Variants in ELF1 observed in about 807,000 individuals in gnomAD.
ELF1 encodes ETS-related transcription factor Elf-1.
A neutral mutation model predicts 59.9 loss-of-function variants in ELF1; 24 were observed. The observed-to-expected ratio is 0.40, with a 90% confidence interval of 0.29 to 0.56. ELF1 has a LOEUF of 0.56. ELF1 is among the 20% of genes least tolerant of loss of function. ELF1 has a pLI of 0.44. For synonymous variants in ELF1, 248 were observed against 266.2 expected (o/e 0.93, Z 0.67); for missense variants, 627 against 742.2 (o/e 0.84, Z 1.80).
intron 7 of ELF1, 62 bp downstream of exon 7, chr13:40,942,889 AT>A (rs534518837): frequency 1.4e-3 from 1,883 of 1,363,138 alleles, no homozygotes; most frequent in South Asian, 3.5e-3. Flanking sequence ...TAAGCTTAGT[AT>A]TTTTTTTTAC....
At chr13:40,985,566 AT>A (rs1873508525) in intron 1 of ELF1, among the ~76,000 whole-genome samples, 1 of 152,180 alleles carries the variant, frequency 6.6e-6, no homozygotes, top group Admixed American at 6.5e-5. Flanking sequence ...TATGTAAAAA[AT>A]TTTTAAAATC....
At chr13:40,962,617 C>T (rs1197985316) in intron 2 of ELF1, among the ~76,000 whole-genome samples, 3 of 147,682 alleles carry the variant, frequency 2.0e-5, no homozygotes, top group Non-Finnish European at 4.5e-5. Context: ...ACCTGGGAGG[C>T]GGAGGTTGCA....
chr13:40,941,380 G>C lies in ELF1; in HGVS notation c.807-10C>G, dbSNP rs772332141. On this transcript the variant is annotated splice_polypyrimidine_tract_variant and intron_variant, in intron 7 of 8. Transcript: ENST00000239882. ...CCTTTGGTAATAGTACCTATTCAAA[G>C]CAGACAATTTCATCAATCAATCAAA... 6.5e-7 allele frequency: 1 copy of C among 1,547,844 alleles called. No individual in the cohort carries two copies. The highest frequency in any genetic ancestry group is 8.7e-7 in the Non-Finnish European group (1 of 1,150,182).
At chr13:41,060,509 C>T (rs1402336365) in intron 1 of ELF1, among the ~76,000 whole-genome samples, 2 of 152,148 alleles carry the variant, frequency 1.3e-5, no homozygotes, top group East Asian at 3.9e-4. Flanking sequence ...GCCCCGTGAG[C>T]CGGAGGCGGG....
At chr13:41,042,447 A>C (rs914968622) in intron 1 of ELF1, among the ~76,000 whole-genome samples, 1 of 151,912 alleles carries the variant, frequency 6.6e-6, no homozygotes, top group African/African-American at 2.4e-5. Flanking sequence ...TCCTAATGCT[A>C]TCCCTCCCCA....
intron 2 of ELF1, among the ~76,000 whole-genome samples, chr13:40,962,691 A>C (rs1401584321): frequency 6.6e-6 from 1 of 151,854 alleles, no homozygotes; most frequent in African/African-American, 2.4e-5. Context: ...AAAAAAAAAA[A>C]AAAAAGAAGA....
chr13:40,959,265 G>A (rs1871659410), intron 2 of ELF1, among the ~76,000 whole-genome samples: 3 of 152,128 alleles, frequency 2.0e-5, no homozygotes, highest in Admixed American at 6.5e-5. Context: ...GGGAGGCCGA[G>A]GCAGGCAGAT....
chr13:41,028,649 A>C (rs1180746683), intron 1 of ELF1, among the ~76,000 whole-genome samples: 1 of 152,252 alleles, frequency 6.6e-6, no homozygotes, highest in African/African-American at 2.4e-5. Flanking sequence ...ATAACAAAGC[A>C]AATATCTTTG....
At chr13:40,985,671 A>C (rs372261897) in intron 1 of ELF1, among the ~76,000 whole-genome samples, 18 of 152,338 alleles carry the variant, frequency 1.2e-4, no homozygotes, top group African/African-American at 4.3e-4. Flanking sequence ...TGTGTAAAAA[A>C]CATGTCCAAA....
chr13:40,954,496 G>C (rs544638383), intron 3 of ELF1, among the ~76,000 whole-genome samples: 1 of 151,046 alleles, frequency 6.6e-6, no homozygotes, highest in African/African-American at 2.4e-5. Flanking sequence ...CCCTGATGCC[G>C]AGCCAAAGCT....
At chr13:41,019,320 G>T (rs551307428), upstream of ELF1, 545 of 985,438 alleles carry the variant, frequency 5.5e-4, 1 homozygote, top group South Asian at 5.1e-3. Flanking sequence ...GTAGATTGGG[G>T]AAGTGGTGTC....
upstream of ELF1, among the ~76,000 whole-genome samples, chr13:41,020,845 T>C (rs1335252802): frequency 6.6e-6 from 1 of 152,164 alleles, no homozygotes; most frequent in Non-Finnish European, 1.5e-5. Flanking sequence ...ATAACATGAA[T>C]GTAAACCTAA....
intron 1 of ELF1, among the ~76,000 whole-genome samples, chr13:41,047,098 G>A (rs1342488256): frequency 6.6e-6 from 1 of 152,132 alleles, no homozygotes; most frequent in African/African-American, 2.4e-5. Flanking sequence ...CATTCGTCAC[G>A]TAGTTCTCCT....
At chr13:40,948,991 C>T (rs2138153031) in intron 5 of ELF1, among the ~76,000 whole-genome samples, 1 of 152,154 alleles carries the variant, frequency 6.6e-6, no homozygotes, top group Non-Finnish European at 1.5e-5. Flanking sequence ...TAATTATTAT[C>T]ATTATTTTTT....
intron 1 of ELF1, among the ~76,000 whole-genome samples, chr13:41,016,914 CAAAAAAAAAAAAAAAAAAAA>C (rs1164306892): frequency 2.0e-3 from 26 of 12,902 alleles, no homozygotes; most frequent in South Asian, 0.016. Flanking sequence ...AACTCCGTCT[CAAAAAAAAAAAAAAAAAAAA>C]AAAAAAAAAA....
At chr13:40,974,463 G>T (rs891085057) in intron 2 of ELF1, among the ~76,000 whole-genome samples, 1 of 152,062 alleles carries the variant, frequency 6.6e-6, no homozygotes, top group Non-Finnish European at 1.5e-5. Flanking sequence ...GCTTCCCTTC[G>T]CTGAGCCTCA....
rs559918189 is a variant in ELF1 at position 40,977,201 on chromosome 13, A to G, written c.72+4782T>C. Among the ~76,000 whole-genome samples, 450 of 152,154 alleles carry G rather than the reference A, an allele frequency of 3.0e-3. 1 individual carries two copies. Among genetic ancestry groups the G allele is most frequent in the African/African-American group, 0.01 (426 of 41,494 alleles). On this transcript the variant is annotated intron_variant, in intron 2 of 8. Transcript: ENST00000239882. ...GGTTTCCTTCTCTTTAGAAACTTGTATCCATAGACTTCTGCTTGCTTCTTC... is the reference window on the plus strand; with the variant it reads ...GGTTTCCTTCTCTTTAGAAACTTGTGTCCATAGACTTCTGCTTGCTTCTTC...
In ELF1 at chr13:41,039,426, A is replaced by T. The variant is rs1038198676; in HGVS notation, c.-229+21412T>A. On this transcript the variant is annotated intron_variant, in intron 1 of 1. Coordinates refer to the ELF1 transcript ENST00000405737. The stretch of plus-strand genomic sequence containing the variant: ...AACTCAGCAAATGCTTTCCAAAATA[A>T]ATCTCTTGCTTCACTTAAAAAACGA... Among the ~76,000 whole-genome samples the T allele has an allele frequency of 4.6e-5, 7 of 152,158 alleles. No homozygotes were observed. The South Asian group carries it at 1.4e-3, about 32-fold the overall frequency.
intron 1 of ELF1, among the ~76,000 whole-genome samples, chr13:41,051,811 G>A (rs1314498166): frequency 6.6e-6 from 1 of 151,986 alleles, no homozygotes; most frequent in Non-Finnish European, 1.5e-5. Flanking sequence ...ATAGTGATTA[G>A]TGTGCATTCA....
Sources: allele counts gnomAD v4.1 joint callset (sites outside exome capture counted in the v4.1 genomes callset), GRCh38; gene constraint gnomAD v4.1.1; transcripts MANE v1.5; gene names NCBI Gene and HGNC (gene_info 2026-07-23, HGNC 2026-07-21).